XXYLT1: variants seen among roughly 807,000 people sequenced by gnomAD.
XXYLT1 encodes UDP-xylose:alpha-xyloside alpha-1,3-xylosyltransferase.
A neutral mutation model predicts 28.9 loss-of-function variants in XXYLT1; 20 were observed. The observed-to-expected ratio is 0.69, with a 90% CI of 0.49 to 1.00. The LOEUF is 1.00. Among genes scored for constraint, XXYLT1 ranks in the 50% least tolerant of loss-of-function variants. The pLI is 0.00. For missense variants in XXYLT1, 542 were observed against 560.1 expected (o/e 0.97, Z 0.33); for synonymous variants, 257 against 253.8 (o/e 1.01, Z -0.12).
At chr3:195,106,806 G>C (rs1259618649) in intron 3 of XXYLT1, among the ~76,000 whole-genome samples, 1 of 152,158 alleles carries the variant, frequency 6.6e-6, no homozygotes, top group Non-Finnish European at 1.5e-5. Context: ...TCTGGCTTCC[G>C]TCCTAAGACC....
chr3:195,222,201 C>G (rs755917387), intron 2 of XXYLT1, among the ~76,000 whole-genome samples: 1 of 152,232 alleles, frequency 6.6e-6, no homozygotes, highest in Non-Finnish European at 1.5e-5. Context: ...GTGTCCACAT[C>G]TGGACATCAG....
rs574553687 is a variant in XXYLT1 at position 195,087,822 on chromosome 3, C to T, written c.786-17711G>A. 3.7e-4 allele frequency among the ~76,000 whole-genome samples: 56 copies of T among 152,112 alleles called. No individual in the cohort carries two copies. The South Asian group carries it at 7.7e-3, about 21-fold the overall frequency. ...GACAGTGGGCGCAGGTCAGTGGGTG[C>T]GCGCACCGTGCGCGAGCCGAAGCAG... On this transcript the variant is annotated intron_variant, in intron 3 of 3. Coordinates refer to ENST00000310380, the MANE Select transcript of XXYLT1 (RefSeq NM_152531.5).
chr3:195,270,270 TG>T, intron 1 of XXYLT1: 1 of 613,864 alleles, frequency 1.6e-6, no homozygotes, highest in Non-Finnish European at 2.7e-6. Flanking sequence ...GTTAGCAAAA[TG>T]GGGGCGCGCG....
At chr3:195,136,729 G>A (rs1167060514) in intron 3 of XXYLT1, among the ~76,000 whole-genome samples, 1 of 152,204 alleles carries the variant, frequency 6.6e-6, no homozygotes, top group African/African-American at 2.4e-5. Context: ...CACACAAGGT[G>A]AAGTGGGCAG....
chr3:195,154,815 T>C (rs1720473107), intron 3 of XXYLT1, among the ~76,000 whole-genome samples: 2 of 152,242 alleles, frequency 1.3e-5, no homozygotes, highest in Non-Finnish European at 2.9e-5. Context: ...AAACTTGCCT[T>C]GGTCTCTCAC....
intron 2 of XXYLT1, among the ~76,000 whole-genome samples, chr3:195,220,391 G>A (rs1318234690): frequency 6.6e-6 from 1 of 152,132 alleles, no homozygotes; most frequent in Non-Finnish European, 1.5e-5. Flanking sequence ...TGATCCGCCC[G>A]CCTCGGTCTC....
chr3:195,141,170 T>C (rs139549104), intron 3 of XXYLT1, among the ~76,000 whole-genome samples: 82 of 152,332 alleles, frequency 5.4e-4, no homozygotes, highest in African/African-American at 1.8e-3. Flanking sequence ...CTATGGTGTT[T>C]ATTACAGTAG....
intron 3 of XXYLT1, among the ~76,000 whole-genome samples, chr3:195,130,002 T>C (rs111576267): frequency 6.2e-4 from 95 of 152,352 alleles, no homozygotes; most frequent in African/African-American, 2.2e-3. Context: ...TTTTTTATTA[T>C]AGCTGACCAG....
chr3:195,245,543 G>A (rs1724985176), intron 1 of XXYLT1, among the ~76,000 whole-genome samples: 1 of 152,188 alleles, frequency 6.6e-6, no homozygotes, highest in South Asian at 2.1e-4. Context: ...AAGGGGTCCA[G>A]AAGCCATTTA....
intron 2 of XXYLT1, among the ~76,000 whole-genome samples, chr3:195,219,832 G>A (rs557912564): frequency 1.1e-4 from 16 of 152,328 alleles, no homozygotes; most frequent in Non-Finnish European, 2.9e-5. Context: ...GCTGGATGGG[G>A]CCACCCCAAT....
rs553896827 is a variant in XXYLT1, at chr3:195,225,038, C to T, written c.652+1671G>A. ...GGGGCACCTGATGGGGTAGAAGTAA[C>T]TATTTGGAGAAGCAGCTTCCAACCC... On this transcript the variant is annotated intron_variant, in intron 2 of 3. Transcript: ENST00000310380. Among the ~76,000 whole-genome samples, 15 of 152,310 alleles carry T rather than the reference C, an allele frequency of 9.8e-5. No homozygotes were observed. In the South Asian group the frequency reaches 3.1e-3, roughly 32 times the overall value.
chr3:195,145,747 C>A (rs915494917), intron 3 of XXYLT1, among the ~76,000 whole-genome samples: 3 of 152,248 alleles, frequency 2.0e-5, no homozygotes. Context: ...GCAAGGACAC[C>A]GCAGACATCC....
At chr3:195,139,317 G>A (rs1360802175) in intron 3 of XXYLT1, among the ~76,000 whole-genome samples, 2 of 151,908 alleles carry the variant, frequency 1.3e-5, no homozygotes, top group Non-Finnish European at 2.9e-5. Flanking sequence ...AAGTCGAGCA[G>A]AGAGTCTGGC....
At chr3:195,135,592 C>T (rs1320781062) in intron 3 of XXYLT1, among the ~76,000 whole-genome samples, 1 of 152,202 alleles carries the variant, frequency 6.6e-6, no homozygotes, top group Non-Finnish European at 1.5e-5. Context: ...GGCCTCAGCA[C>T]CAGGAGGCTG....
chr3:195,252,632 A>G (rs1028839434), intron 1 of XXYLT1, among the ~76,000 whole-genome samples: 2 of 146,890 alleles, frequency 1.4e-5, no homozygotes, highest in African/African-American at 4.9e-5. Context: ...AGGACTGGGA[A>G]GTGTTTCTTG....
At chr3:195,251,462 T>C (rs1276204947) in intron 1 of XXYLT1, among the ~76,000 whole-genome samples, 1 of 152,160 alleles carries the variant, frequency 6.6e-6, no homozygotes, top group African/African-American at 2.4e-5. Context: ...CACCTGCCCA[T>C]GAAGGGAGTG....
intron 1 of XXYLT1, among the ~76,000 whole-genome samples, chr3:195,254,772 C>T (rs1262181319): frequency 2.6e-5 from 4 of 152,246 alleles, no homozygotes; most frequent in Admixed American, 2.6e-4. Context: ...CCACCTAGCA[C>T]GCGTCAAGCA....
intron 3 of XXYLT1, among the ~76,000 whole-genome samples, chr3:195,125,374 G>A (rs1718563655): frequency 6.6e-6 from 1 of 152,272 alleles, no homozygotes; most frequent in South Asian, 2.1e-4. Context: ...TTGCGGGGCT[G>A]GAGAATTGGG....
rs1043374088 is a variant in XXYLT1, at chr3:195,209,072, C to T, written c.652+17637G>A. On this transcript the variant is annotated intron_variant, in intron 2 of 3. Transcript: ENST00000310380. The surrounding 1 kb of genome is among the most constrained non-coding windows in gnomAD (Gnocchi z 5.0). ...CAACCCAAGACAGAAGGGAAGCCAT[C>T]GCCCACCTCCCCTTACGTGGCTCAC... Among the ~76,000 whole-genome samples, 1 of 152,222 alleles carries T rather than the reference C, an allele frequency of 6.6e-6. No individual in the cohort carries two copies. Among genetic ancestry groups the T allele is most frequent in the African/African-American group, 2.4e-5 (1 of 41,458 alleles).
Sources: gnomAD v4.1 joint callset for allele counts (sites outside exome capture counted in the v4.1 genomes callset) on GRCh38, gnomAD v4.1.1 for gene constraint, Gnocchi (gnomAD v3.1) non-coding constraint, MANE v1.5 for transcripts, NCBI Gene and HGNC (gene_info 2026-07-23, HGNC 2026-07-21) for gene names.